FERMT1: variants seen among roughly 807,000 people sequenced by gnomAD.
The protein encoded by FERMT1 is fermitin family homolog 1.
Under a neutral mutation model 85.3 loss-of-function variants are expected in FERMT1, and 60 were observed. The ratio of observed to expected loss-of-function variants is 0.70; its 90% CI spans 0.57 to 0.87. The LOEUF is 0.87. Ranked by LOEUF, FERMT1 falls within the 40% of genes least tolerant of loss-of-function variation. FERMT1 has a pLI of 0.00. For synonymous variants in FERMT1, 275 were observed against 301.1 expected, an observed-to-expected ratio of 0.91 and a Z score of 0.90; for missense variants, 701 against 818.9, an observed-to-expected ratio of 0.86 and a Z score of 1.76.
chr20:6,103,419 C>T lies in FERMT1; in HGVS notation c.849+4113G>A, dbSNP rs143975840. On this transcript the variant is annotated intron_variant, in intron 6 of 14. Coordinates refer to ENST00000217289, the MANE Select transcript of FERMT1 (RefSeq NM_017671.5). ...TGTCAGTTTGCATGTGTGAGTATAACTGTGCTATAAACACCTAGGAGTGGA... is the reference window on the plus strand; with the variant it reads ...TGTCAGTTTGCATGTGTGAGTATAATTGTGCTATAAACACCTAGGAGTGGA... 2.1e-3 allele frequency among the ~76,000 whole-genome samples: 317 copies of T among 152,312 alleles called. 2 individuals are homozygous for T. The highest frequency in any genetic ancestry group is 7.4e-3 in the African/African-American group (308 of 41,556).
At chr20:6,108,909 G>A (rs1600444428) in intron 5 of FERMT1, among the ~76,000 whole-genome samples, 1 of 151,766 alleles carries the variant, frequency 6.6e-6, no homozygotes, top group South Asian at 2.1e-4. Context: ...CAGATGGTTT[G>A]CCCCAATGCC....
At chr20:6,117,508 A>ACTGCAACCTCTGCCTCC (rs1286354535) in intron 2 of FERMT1, among the ~76,000 whole-genome samples, 11 of 150,680 alleles carry the variant, frequency 7.3e-5, no homozygotes, top group Non-Finnish European at 1.6e-4. Flanking sequence ...ATCTCAGCTC[A>ACTGCAACCTCTGCCTCC]CTGCAACCTC....
At chr20:6,077,494 C>T in intron 14 of FERMT1, 148 bp from the exon 15 acceptor site, 1 of 750,556 alleles carries the variant, frequency 1.3e-6, no homozygotes. Flanking sequence ...ACCATCACTT[C>T]CATTAAACGC....
In FERMT1 at chr20:6,079,525, T is replaced by C. The variant is rs1981935944; in HGVS notation, c.1771A>G (p.Ile591Val). ...ATCCCGGTGGCTGCATCAATTTTAA[T>C]CAACCTGTTATATGAAACTCCCAGA... ...DILGVSYNRL[I>V]KIDAATGIPV... is the part of the protein sequence containing the mutation. The change falls in exon 14 of 15, where the codon ATT (isoleucine) becomes GTT (valine). Residue 591 changes from isoleucine (I) to valine (V), a missense_variant. Transcript: ENST00000217289. 6.2e-7 allele frequency: 1 copy of C among 1,613,924 alleles called. No homozygotes were observed. The highest frequency in any genetic ancestry group is 8.5e-7 in the Non-Finnish European group (1 of 1,179,906).
chr20:6,120,464 A>G (rs2123159631), intron 1 of FERMT1: 1 of 152,356 alleles, frequency 6.6e-6, no homozygotes, highest in East Asian at 1.9e-4. Flanking sequence ...AAGAACGTTC[A>G]CAACTGAAAT....
chr20:6,079,302 A>G, intron 14 of FERMT1, 134 bp downstream of exon 14: 2 of 975,930 alleles, frequency 2.0e-6, no homozygotes, highest in South Asian at 2.7e-5. Context: ...ATTTTAGCAG[A>G]CAGACAGTTA....
intron 3 of FERMT1, among the ~76,000 whole-genome samples, chr20:6,114,716 T>C (rs1243281106): frequency 2.0e-5 from 3 of 152,218 alleles, no homozygotes. Flanking sequence ...GAGTGAGGAA[T>C]GCAGAGATGC....
intron 1 of FERMT1, among the ~76,000 whole-genome samples, chr20:6,120,750 A>G (rs1171859526): frequency 6.6e-6 from 1 of 152,200 alleles, no homozygotes; most frequent in Non-Finnish European, 1.5e-5. Flanking sequence ...GAGGGTGTAC[A>G]CAAATCCCCC....
intron 8 of FERMT1, among the ~76,000 whole-genome samples, chr20:6,095,789 G>A (rs1003456040): frequency 6.6e-6 from 1 of 152,222 alleles, no homozygotes; most frequent in African/African-American, 2.4e-5. Context: ...TAGTTTGCAC[G>A]AAGTATTTGC....
At chr20:6,096,813 G>A (rs1600436023) in intron 8 of FERMT1, 89 bp downstream of exon 8, 4 of 518,818 alleles carry the variant, frequency 7.7e-6, no homozygotes, top group South Asian at 3.3e-5. Flanking sequence ...AAAATCAGAT[G>A]AAATATTCTC....
chr20:6,121,350 G>C (rs1983270505), intron 1 of FERMT1, among the ~76,000 whole-genome samples: 1 of 152,208 alleles, frequency 6.6e-6, no homozygotes, highest in Non-Finnish European at 1.5e-5. Context: ...TTGAACTCCT[G>C]ATCTCGTGAT....
intron 9 of FERMT1, among the ~76,000 whole-genome samples, chr20:6,093,817 G>GT (rs1175774102): frequency 1.1e-4 from 16 of 152,182 alleles, no homozygotes; most frequent in African/African-American, 3.6e-4. Context: ...GTAGCCAGGC[G>GT]TGATGATGGG....
At chr20:6,120,068 G>A (rs1983224720) in intron 1 of FERMT1, among the ~76,000 whole-genome samples, 1 of 151,726 alleles carries the variant, frequency 6.6e-6, no homozygotes, top group Non-Finnish European at 1.5e-5. Context: ...GTTTAAAAAG[G>A]ATGCCATTAA....
At chr20:6,105,230 G>A (rs1982765465) in intron 6 of FERMT1, among the ~76,000 whole-genome samples, 2 of 152,200 alleles carry the variant, frequency 1.3e-5, no homozygotes, top group African/African-American at 4.8e-5. Context: ...GAAGGCAAAG[G>A]CCCATGTGAC....
chr20:6,098,568 T>C (rs986256933), intron 6 of FERMT1, among the ~76,000 whole-genome samples: 8 of 150,976 alleles, frequency 5.3e-5, no homozygotes, highest in Non-Finnish European at 1.2e-4. Context: ...AAATTTAATA[T>C]AAAATATTAA....
rs979820557 is a variant in FERMT1, at chr20:6,112,406, G to A, written c.532+71C>T. 6.4e-6 allele frequency: 9 copies of A among 1,399,742 alleles called. No homozygotes were observed. In the African/African-American group the frequency reaches 7.0e-5, roughly 11 times the overall value. 86.7% of individuals were successfully genotyped at this position (1,399,742 alleles called of 1,614,324 possible). On this transcript the variant is annotated intron_variant, in intron 4 of 14. Coordinates refer to ENST00000217289, the MANE Select transcript of FERMT1 (RefSeq NM_017671.5). The stretch of plus-strand genomic sequence containing the variant: ...TTTCTCCTTTGTTTGGTGGGGGTGG[G>A]AGGAGAGATATATTTCTCTCTTGAG...
At chr20:6,120,950 A>G (rs1983255499) in intron 1 of FERMT1, among the ~76,000 whole-genome samples, 1 of 152,194 alleles carries the variant, frequency 6.6e-6, no homozygotes, top group Non-Finnish European at 1.5e-5. Context: ...TTAAACAACC[A>G]GTGTCATATC....
intron 14 of FERMT1, among the ~76,000 whole-genome samples, chr20:6,078,556 C>T (rs1371237704): frequency 2.6e-5 from 4 of 152,088 alleles, no homozygotes; most frequent in African/African-American, 9.7e-5. Flanking sequence ...CTCACTGTAA[C>T]CTCGAACCTC....
At position 6,077,609 on chromosome 20, in the gene FERMT1, A is replaced by G. The variant is rs148956534; in HGVS notation, c.1861-263T>C. Among the ~76,000 whole-genome samples, 176 of 152,320 alleles carry G rather than the reference A, an allele frequency of 1.2e-3. 1 individual carries two copies. Among genetic ancestry groups the G allele is most frequent in the African/African-American group, 4.0e-3 (167 of 41,590 alleles). On this transcript the variant is annotated intron_variant, in intron 14 of 14. Transcript: ENST00000217289. ...CACATTTTCTGTCTACAGTTTAGAT[A>G]CAAGGATTTTGCCCAAGCACTCTCT...
Sources: gnomAD v4.1 joint callset for allele counts (sites outside exome capture counted in the v4.1 genomes callset) on GRCh38, gnomAD v4.1.1 for gene constraint, MANE v1.5 for transcripts, NCBI Gene and HGNC (gene_info 2026-07-23, HGNC 2026-07-21) for gene names.